The following CTNNA3 variants were observed in gnomAD, a reference collection of about 807,000 sequenced individuals.
CTNNA3 encodes the protein catenin alpha 3, also known as catenin alpha-3.
A neutral mutation model predicts 95.7 loss-of-function variants in CTNNA3; 76 were observed. The observed-to-expected ratio is 0.79, with a 90% confidence interval of 0.66 to 0.96. The LOEUF is 0.96. Among genes scored for constraint, CTNNA3 ranks in the 40% least tolerant of loss-of-function variants. The pLI is 0.00. For missense variants in CTNNA3, 1,191 were observed against 1,089.8 expected (o/e 1.09, Z -1.31); for synonymous variants, 431 against 374.4 (o/e 1.15, Z -1.74).
At chr10:66,205,042 T>C (rs2087671242) in intron 13 of CTNNA3, among the ~76,000 whole-genome samples, 1 of 152,144 alleles carries the variant, frequency 6.6e-6, no homozygotes, top group Admixed American at 6.5e-5. Flanking sequence ...CAGCAATATG[T>C]CAAGCTTACA....
At chr10:66,365,313 C>G (rs767465370) in intron 12 of CTNNA3, among the ~76,000 whole-genome samples, 9 of 152,072 alleles carry the variant, frequency 5.9e-5, no homozygotes, top group East Asian at 1.9e-4. Flanking sequence ...CATGTTCTCA[C>G]TCATAAGTGG....
At chr10:67,454,708 C>G (rs572025676) in intron 5 of CTNNA3, among the ~76,000 whole-genome samples, 115 of 151,954 alleles carry the variant, frequency 7.6e-4, no homozygotes, top group Admixed American at 1.7e-3. Context: ...ATTTTATGAA[C>G]CTCTACCAAT....
Position 65,988,792 on chromosome 10 carries a change from T to C in CTNNA3, c.2165A>G (p.Lys722Arg), listed in dbSNP as rs2078479816. 6.2e-7 allele frequency: 1 copy of C among 1,612,068 alleles called. No individual in the cohort carries two copies. The highest frequency in any genetic ancestry group is 8.5e-7 in the Non-Finnish European group (1 of 1,178,810). The change falls in exon 16 of 18, where the codon AAA becomes AGA. Residue 722 changes from lysine to arginine, a missense_variant. Transcript: ENST00000433211. ...MMEMTDFTRG[K>R]GPLKHTTDVI... ...ATCAGTTGTATGCTTTAGTGGTCCT[T>C]TGCCCCTGGAAAAAAATTTATATAT... is the stretch of plus-strand genomic sequence containing the variant.
intron 1 of CTNNA3, among the ~76,000 whole-genome samples, chr10:67,674,317 T>C (rs1260643885): frequency 1.3e-5 from 2 of 152,040 alleles, no homozygotes. Context: ...AAGGTGGTCA[T>C]CTGCAAGCCA....
At chr10:67,597,651 C>G (rs1842967910) in intron 3 of CTNNA3, among the ~76,000 whole-genome samples, 1 of 152,154 alleles carries the variant, frequency 6.6e-6, no homozygotes, top group Admixed American at 6.5e-5. Context: ...GGTCCACTGG[C>G]AACAATACTC....
chr10:66,696,333 T>C (rs369109379), intron 9 of CTNNA3, among the ~76,000 whole-genome samples: 22 of 152,298 alleles, frequency 1.4e-4, no homozygotes, highest in African/African-American at 5.1e-4. Context: ...GATAGGCGTA[T>C]ACTCACATGA....
intron 7 of CTNNA3, among the ~76,000 whole-genome samples, chr10:67,095,579 G>T (rs1857940282): frequency 6.6e-6 from 1 of 151,700 alleles, no homozygotes; most frequent in Admixed American, 6.6e-5. Flanking sequence ...CACACACACA[G>T]AATAAATGTA....
chr10:66,166,615 C>T (rs2085146799), intron 13 of CTNNA3, among the ~76,000 whole-genome samples: 1 of 151,974 alleles, frequency 6.6e-6, no homozygotes, highest in South Asian at 2.1e-4. Context: ...CTCAGTTCAG[C>T]TGTTTCCAAA....
chr10:66,940,785 C>CA (rs879777054), intron 7 of CTNNA3, among the ~76,000 whole-genome samples: 212 of 143,202 alleles, frequency 1.5e-3, no homozygotes, highest in Admixed American at 2.4e-3. Flanking sequence ...CTGGTTTAAA[C>CA]AAAAAAAAAA....
At chr10:66,585,658 A>G (rs1459083003) in intron 10 of CTNNA3, among the ~76,000 whole-genome samples, 36 of 151,744 alleles carry the variant, frequency 2.4e-4, no homozygotes, top group Non-Finnish European at 1.5e-5. Context: ...AACTTTTTTG[A>G]ATTATTTATC....
At chr10:67,680,269 G>A (rs971041138) in intron 1 of CTNNA3, among the ~76,000 whole-genome samples, 6 of 152,134 alleles carry the variant, frequency 3.9e-5, no homozygotes, top group African/African-American at 1.4e-4. Context: ...GAAAATCACT[G>A]GTAAGGGTAA....
intron 5 of CTNNA3, among the ~76,000 whole-genome samples, chr10:67,286,043 G>A (rs2132454676): frequency 6.6e-6 from 1 of 152,196 alleles, no homozygotes; most frequent in Middle Eastern, 3.4e-3. Context: ...TAATGGGCTG[G>A]GCCAAACAAA....
intron 2 of CTNNA3, among the ~76,000 whole-genome samples, chr10:67,633,027 C>A (rs904205457): frequency 3.3e-5 from 5 of 152,324 alleles, no homozygotes; most frequent in Non-Finnish European, 5.9e-5. Context: ...TCAGTCGACT[C>A]AGCCATTCCA....
intron 7 of CTNNA3, among the ~76,000 whole-genome samples, chr10:66,964,018 C>T (rs1212927697): frequency 6.6e-6 from 1 of 151,140 alleles, no homozygotes; most frequent in Non-Finnish European, 1.5e-5. Context: ...AGCTAATTTT[C>T]GTATTTTTTT....
At chr10:66,547,742 G>A (rs756314474) in intron 10 of CTNNA3, among the ~76,000 whole-genome samples, 4 of 152,014 alleles carry the variant, frequency 2.6e-5, no homozygotes, top group Non-Finnish European at 4.4e-5. Flanking sequence ...GTCAGCCTAA[G>A]GTTATTTGCA....
chr10:67,181,430 G>C (rs948809574), intron 6 of CTNNA3, among the ~76,000 whole-genome samples: 1 of 152,094 alleles, frequency 6.6e-6, no homozygotes, highest in Admixed American at 6.6e-5. Context: ...TCCAAGATTA[G>C]GCATAATGTG....
At chr10:66,847,815 A>G (rs962531177) in intron 7 of CTNNA3, among the ~76,000 whole-genome samples, 2 of 152,182 alleles carry the variant, frequency 1.3e-5, no homozygotes, top group Non-Finnish European at 1.5e-5. Flanking sequence ...TAATAAAGCC[A>G]TTATGTCACA....
intron 9 of CTNNA3, among the ~76,000 whole-genome samples, chr10:66,725,178 A>G (rs192657769): frequency 1.6e-4 from 24 of 152,260 alleles, no homozygotes; most frequent in Non-Finnish European, 3.1e-4. Context: ...ACACACAACT[A>G]CTATAGACCT....
chr10:66,920,089 C>T (rs1180901172), intron 7 of CTNNA3, among the ~76,000 whole-genome samples: 1 of 152,172 alleles, frequency 6.6e-6, no homozygotes, highest in Non-Finnish European at 1.5e-5. Context: ...TGGTCATGTT[C>T]ATGACCCTTG....
Sources: allele counts gnomAD v4.1 joint callset (sites outside exome capture counted in the v4.1 genomes callset), GRCh38; gene constraint gnomAD v4.1.1; transcripts MANE v1.5; gene names NCBI Gene and HGNC (gene_info 2026-07-23, HGNC 2026-07-21).